Variants in SGCD observed in about 807,000 individuals in gnomAD.
The protein encoded by SGCD is delta-sarcoglycan.
SGCD carries 18 observed loss-of-function variants against 36.6 expected under a neutral mutation model. The ratio of observed to expected loss-of-function variants is 0.49; its 90% CI spans 0.34 to 0.73. The LOEUF is 0.73. SGCD is among the 30% of genes least tolerant of loss of function. The pLI, the probability that SGCD is intolerant of heterozygous loss-of-function variation, is 0.01. For missense variants in SGCD, 387 were observed against 346.7 expected (o/e 1.12, Z -0.92); for synonymous variants, 133 against 130.6 (o/e 1.02, Z -0.12).
At chr5:156,328,427 G>C (rs2127700664) in intron 1 of SGCD, among the ~76,000 whole-genome samples, 1 of 152,346 alleles carries the variant, frequency 6.6e-6, no homozygotes, top group African/African-American at 2.4e-5. Flanking sequence ...GCTGAAGAGT[G>C]ACTAGACCTC....
chr5:156,217,244 T>TA, intron 3 of SGCD, among the ~76,000 whole-genome samples: 1 of 152,338 alleles, frequency 6.6e-6, no homozygotes. Context: ...ATACTTCTGT[T>TA]AAGTGTCTTA....
intron 3 of SGCD, among the ~76,000 whole-genome samples, chr5:156,196,007 G>T (rs114810695): frequency 0.018 from 2,668 of 152,200 alleles, 73 homozygotes; most frequent in African/African-American, 0.059. Context: ...AACCTCTGAA[G>T]GCACCAGCAT....
At chr5:155,852,421 A>G in the SGCD span, among the ~76,000 whole-genome samples, 1 of 152,182 alleles carries the variant, frequency 6.6e-6, no homozygotes, top group African/African-American at 2.4e-5. Flanking sequence ...ATGTGAACCC[A>G]TATACTTCAT....
chr5:156,649,970 G>A (rs1763399087), intron 7 of SGCD, among the ~76,000 whole-genome samples: 1 of 152,056 alleles, frequency 6.6e-6, no homozygotes, highest in Non-Finnish European at 1.5e-5. Context: ...GAGGAAAGGA[G>A]ATAGGCTGTC....
intron 3 of SGCD, among the ~76,000 whole-genome samples, chr5:156,244,662 A>G (rs1358487171): frequency 6.6e-6 from 1 of 152,246 alleles, no homozygotes; most frequent in Non-Finnish European, 1.5e-5. Context: ...TAAAAGTTGA[A>G]CAAAAAGTTT....
At chr5:156,383,286 T>C (rs950702959) in intron 3 of SGCD, among the ~76,000 whole-genome samples, 2 of 151,938 alleles carry the variant, frequency 1.3e-5, no homozygotes, top group Non-Finnish European at 2.9e-5. Context: ...GGCAGATCAC[T>C]TGAGGTCAGG....
intron 3 of SGCD, among the ~76,000 whole-genome samples, chr5:156,295,237 A>G (rs1293294807): frequency 6.6e-6 from 1 of 152,076 alleles, no homozygotes; most frequent in African/African-American, 2.4e-5. Context: ...TCCATTTTCT[A>G]TAGGTCATCT....
chr5:155,736,364 G>A, the SGCD span, among the ~76,000 whole-genome samples: 1 of 152,078 alleles, frequency 6.6e-6, no homozygotes, highest in East Asian at 1.9e-4. Flanking sequence ...GATTCACTTT[G>A]CCCTTCTACC....
At chr5:156,390,036 T>C (rs1028918577) in intron 3 of SGCD, among the ~76,000 whole-genome samples, 1 of 152,160 alleles carries the variant, frequency 6.6e-6, no homozygotes, top group Non-Finnish European at 1.5e-5. Flanking sequence ...AACATGTTAC[T>C]CATGTGTTTG....
At chr5:156,089,345 C>T (rs911268168) in intron 1 of SGCD, among the ~76,000 whole-genome samples, 2 of 152,208 alleles carry the variant, frequency 1.3e-5, no homozygotes, top group Non-Finnish European at 1.5e-5. Flanking sequence ...TGTAGTTCAT[C>T]TTCTCTGTTT....
At chr5:155,798,889 C>T in the SGCD span, among the ~76,000 whole-genome samples, 2 of 152,196 alleles carry the variant, frequency 1.3e-5, no homozygotes, top group Admixed American at 6.5e-5. Flanking sequence ...GTTCCAGATG[C>T]GTATGAAGTG....
chr5:155,997,234 T>G lies in SGCD; in HGVS notation c.-281-120644T>G, dbSNP rs556288291. Among the ~76,000 whole-genome samples, 162 of 152,328 alleles carry G rather than the reference T, an allele frequency of 1.1e-3. 1 individual carries two copies. Among genetic ancestry groups the G allele is most frequent in the Non-Finnish European group, 1.2e-3 (83 of 68,024 alleles). ...ACAAAACACAAGATGGTAAATACTG[T>G]TAATCCCATTTCACACATAAGAAAG... On this transcript the variant is annotated intron_variant, in intron 1 of 9. Transcript: ENST00000517913.
chr5:156,431,368 C>T (rs1442470431), intron 3 of SGCD, among the ~76,000 whole-genome samples: 1 of 152,102 alleles, frequency 6.6e-6, no homozygotes, highest in Non-Finnish European at 1.5e-5. Context: ...CTGGATTGTT[C>T]CAGGAAGGCT....
intron 4 of SGCD, among the ~76,000 whole-genome samples, chr5:156,558,124 T>TATATATATATATA (rs56288003): frequency 1.3e-3 from 158 of 123,364 alleles, no homozygotes; most frequent in Non-Finnish European, 1.8e-3. Flanking sequence ...TATATATATA[T>TATATATATATATA]TATTTAACTC....
At chr5:156,531,562 A>C (rs1450780981) in intron 4 of SGCD, among the ~76,000 whole-genome samples, 1 of 152,212 alleles carries the variant, frequency 6.6e-6, no homozygotes, top group Non-Finnish European at 1.5e-5. Context: ...CTCTCCACAC[A>C]ACACATCACA....
At chr5:155,808,296 G>A in the SGCD span, among the ~76,000 whole-genome samples, 1 of 152,166 alleles carries the variant, frequency 6.6e-6, no homozygotes, top group South Asian at 2.1e-4. Context: ...CCATTGGAAA[G>A]CAACACCCAC....
At chr5:156,576,953 T>G (rs1365905998) in intron 4 of SGCD, among the ~76,000 whole-genome samples, 1 of 152,232 alleles carries the variant, frequency 6.6e-6, no homozygotes, top group African/African-American at 2.4e-5. Context: ...TGGCTTTTGT[T>G]GCCATTGCTT....
At chr5:155,902,080 C>T (rs554849946) in intron 1 of SGCD, among the ~76,000 whole-genome samples, 5 of 152,276 alleles carry the variant, frequency 3.3e-5, no homozygotes, top group Non-Finnish European at 4.4e-5. Flanking sequence ...TGGATCTTCT[C>T]GGTCAAGGCC....
intron 3 of SGCD, among the ~76,000 whole-genome samples, chr5:156,225,476 C>T (rs1027834039): frequency 3.3e-5 from 5 of 151,990 alleles, no homozygotes; most frequent in East Asian, 3.9e-4. Context: ...AGGCCATGCA[C>T]GCTGCCAACT....
Sources: gnomAD v4.1 joint callset for allele counts (sites outside exome capture counted in the v4.1 genomes callset) on GRCh38, gnomAD v4.1.1 for gene constraint, MANE v1.5 for transcripts, NCBI Gene and HGNC (gene_info 2026-07-23, HGNC 2026-07-21) for gene names.